The following FHIP1A variants were observed in gnomAD, a reference collection of about 807,000 sequenced individuals.
The protein encoded by FHIP1A is FHF complex subunit HOOK interacting protein 1A.
FHIP1A carries 61 observed loss-of-function variants against 88.6 expected under a neutral mutation model. The observed-to-expected ratio is 0.69, with a 90% CI of 0.56 to 0.85. The LOEUF (loss-of-function observed/expected upper bound fraction) is 0.85. Among genes scored for constraint, FHIP1A ranks in the 40% least tolerant of loss-of-function variants. The pLI, the probability that FHIP1A is intolerant of heterozygous loss-of-function variation, is 0.00. For missense variants in FHIP1A, 1,154 were observed against 1,273.5 expected (o/e 0.91, Z 1.43); for synonymous variants, 478 against 496.0 (o/e 0.96, Z 0.48).
chr4:151,635,467 G>C (rs1023317760), intron 8 of FHIP1A, among the ~76,000 whole-genome samples: 1 of 151,884 alleles, frequency 6.6e-6, no homozygotes, highest in East Asian at 1.9e-4. Flanking sequence ...AGAGGTTGAA[G>C]CAACCTAGAT....
At position 151,467,299 on chromosome 4, in the gene FHIP1A, G is replaced by A. The variant is rs140169829; in HGVS notation, c.-248+12491G>A. On this transcript the variant is annotated intron_variant, in intron 2 of 13. Coordinates refer to ENST00000435205, the MANE Select transcript of FHIP1A (RefSeq NM_001109977.3). ...ATACCATCTCGTGCCAGTCAGAATG[G>A]TGATTATTAAAAAGTCAAGAAACAA... Among the ~76,000 whole-genome samples, 756 of 152,274 alleles carry A rather than the reference G, an allele frequency of 5.0e-3. 3 individuals are homozygous for A. The highest frequency in any genetic ancestry group is 7.6e-3 in the Non-Finnish European group (520 of 68,014).
At chr4:151,603,684 T>C (rs1219314074) in intron 7 of FHIP1A, among the ~76,000 whole-genome samples, 1 of 152,222 alleles carries the variant, frequency 6.6e-6, no homozygotes, top group Non-Finnish European at 1.5e-5. Context: ...GCTAGCTTAA[T>C]TCATCCTCTG....
intron 3 of FHIP1A, among the ~76,000 whole-genome samples, chr4:151,544,945 G>A (rs1007670949): frequency 6.6e-6 from 1 of 152,150 alleles, no homozygotes; most frequent in African/African-American, 2.4e-5. Context: ...AGGTGTGGTA[G>A]TGTGCACCTG....
intron 3 of FHIP1A, among the ~76,000 whole-genome samples, chr4:151,562,279 AAGG>A (rs200590008): frequency 0.016 from 2,450 of 152,252 alleles, 75 homozygotes; most frequent in African/African-American, 0.054. Context: ...AGGGATGAAG[AAGG>A]AGGGGTAGGA....
chr4:151,555,150 A>G (rs1732898785), intron 3 of FHIP1A, among the ~76,000 whole-genome samples: 1 of 152,136 alleles, frequency 6.6e-6, no homozygotes, highest in Admixed American at 6.6e-5. Flanking sequence ...TTGATCTTCT[A>G]CTGGTGTAGC....
intron 10 of FHIP1A, among the ~76,000 whole-genome samples, chr4:151,647,578 A>T (rs533612778): frequency 3.3e-5 from 5 of 152,202 alleles, no homozygotes; most frequent in Non-Finnish European, 7.3e-5. Context: ...AAATGTCAGT[A>T]TGTTTGATAT....
intron 3 of FHIP1A, among the ~76,000 whole-genome samples, chr4:151,530,556 A>T (rs1028958058): frequency 6.6e-6 from 1 of 152,130 alleles, no homozygotes; most frequent in Non-Finnish European, 1.5e-5. Flanking sequence ...GAATCTTTGG[A>T]ATTCTGTTTG....
intron 3 of FHIP1A, among the ~76,000 whole-genome samples, chr4:151,516,779 A>C (rs376845608): frequency 1.3e-5 from 2 of 151,642 alleles, no homozygotes; most frequent in Non-Finnish European, 3.0e-5. Context: ...TTAGAATGGC[A>C]ATCATTCAAA....
intron 4 of FHIP1A, among the ~76,000 whole-genome samples, chr4:151,572,652 G>A (rs1346380258): frequency 1.3e-5 from 2 of 152,254 alleles, no homozygotes; most frequent in Middle Eastern, 3.4e-3. Context: ...TCAGTGTGTT[G>A]GAAAATATTG....
chr4:151,457,937 C>G (rs955915075), intron 2 of FHIP1A, among the ~76,000 whole-genome samples: 1 of 152,158 alleles, frequency 6.6e-6, no homozygotes, highest in African/African-American at 2.4e-5. Context: ...CCAGATTTGG[C>G]TTGAAGCCTA....
chr4:151,481,327 T>C (rs1032712037), intron 2 of FHIP1A, among the ~76,000 whole-genome samples: 8 of 152,012 alleles, frequency 5.3e-5, no homozygotes, highest in African/African-American at 1.4e-4. Context: ...CATAAAATTG[T>C]ATATATTATG....
intron 1 of FHIP1A, among the ~76,000 whole-genome samples, chr4:151,412,135 C>T (rs1216326261): frequency 6.6e-6 from 1 of 152,150 alleles, no homozygotes; most frequent in Admixed American, 6.5e-5. Context: ...CGGAGTTTCA[C>T]TCTTGTTGCC....
intron 3 of FHIP1A, among the ~76,000 whole-genome samples, chr4:151,541,528 G>A (rs908697588): frequency 3.3e-5 from 5 of 152,086 alleles, no homozygotes; most frequent in South Asian, 2.1e-4. Flanking sequence ...GCTGGGTTTC[G>A]TCCCTTTTAA....
At chr4:151,445,529 A>G (rs1374045826) in intron 1 of FHIP1A, among the ~76,000 whole-genome samples, 1 of 151,888 alleles carries the variant, frequency 6.6e-6, no homozygotes, top group Non-Finnish European at 1.5e-5. Flanking sequence ...TCTGATGACA[A>G]CCAGCCCCTA....
intron 3 of FHIP1A, among the ~76,000 whole-genome samples, chr4:151,509,949 G>T (rs1730969689): frequency 6.6e-6 from 1 of 152,108 alleles, no homozygotes; most frequent in Non-Finnish European, 1.5e-5. Context: ...GCAATCTAAA[G>T]TATCTTTAAA....
intron 8 of FHIP1A, among the ~76,000 whole-genome samples, chr4:151,634,704 A>G (rs1009051664): frequency 4.6e-5 from 7 of 151,844 alleles, no homozygotes; most frequent in African/African-American, 1.7e-4. Flanking sequence ...ATCCACATGC[A>G]AAAGAATGAA....
chr4:151,587,263 A>G (rs1176005916), intron 6 of FHIP1A, among the ~76,000 whole-genome samples: 1 of 152,194 alleles, frequency 6.6e-6, no homozygotes, highest in Non-Finnish European at 1.5e-5. Context: ...ATTGCAACAC[A>G]AATTAAATTC....
intron 5 of FHIP1A, among the ~76,000 whole-genome samples, chr4:151,580,667 C>T (rs1295972124): frequency 3.3e-5 from 5 of 151,978 alleles, no homozygotes; most frequent in African/African-American, 1.2e-4. Context: ...ACATATACAA[C>T]GATGTTCAAT....
chr4:151,447,825 A>T (rs1172164130), intron 1 of FHIP1A, among the ~76,000 whole-genome samples: 2 of 152,228 alleles, frequency 1.3e-5, no homozygotes, highest in African/African-American at 4.8e-5. Context: ...TAATGAGAAG[A>T]CAGCCATCTG....
Sources: allele counts gnomAD v4.1 joint callset (sites outside exome capture counted in the v4.1 genomes callset), GRCh38; gene constraint gnomAD v4.1.1; transcripts MANE v1.5; gene names NCBI Gene and HGNC (gene_info 2026-07-23, HGNC 2026-07-21).